The following RFTN1 variants were observed in gnomAD, a reference collection of about 807,000 sequenced individuals.
RFTN1 encodes raftlin.
RFTN1 carries 26 observed loss-of-function variants against 46.5 expected under a neutral mutation model. That is an observed-to-expected ratio of 0.56 (90% CI 0.41 to 0.78). The LOEUF (loss-of-function observed/expected upper bound fraction) is 0.78, where lower values mean the gene tolerates loss of function less well. RFTN1 is among the 30% of genes least tolerant of loss of function. The probability of loss-of-function intolerance (pLI) is 0.00; values close to 1 mark genes in which losing one functional copy is unlikely to be tolerated. For synonymous variants in RFTN1, 261 were observed against 284.2 expected (o/e 0.92, Z 0.82); for missense variants, 693 against 718.7 (o/e 0.96, Z 0.41).
chr3:16,317,507 A>AC lies in RFTN1; in HGVS notation c.1333-276dup, dbSNP rs908686193. ...CAGTATTTCTTTTGACTGGCTCTAT[A>AC]CCAAAGGCCCACATAGGAAAGGGCT... On this transcript the variant is annotated intron_variant, in intron 9 of 9. Coordinates refer to ENST00000334133, the MANE Select transcript of RFTN1 (RefSeq NM_015150.2). The surrounding 1 kb of genome is among the most constrained non-coding windows in gnomAD (Gnocchi z 4.3). Among the ~76,000 whole-genome samples, 1 of 152,036 alleles carries AC rather than the reference A, an allele frequency of 6.6e-6. No individual in the cohort carries two copies. Among genetic ancestry groups the AC allele is most frequent in the African/African-American group, 2.4e-5 (1 of 41,398 alleles).
At position 16,370,901 on chromosome 3, in the gene RFTN1, G is replaced by C. The variant is rs1286384775; in HGVS notation, c.827-622C>G. 1 of 152,574 alleles carries C rather than the reference G, an allele frequency of 6.6e-6. No individual in the cohort carries two copies. Among genetic ancestry groups the C allele is most frequent in the Non-Finnish European group, 1.5e-5 (1 of 68,312 alleles). 9.5% of individuals were successfully genotyped at this position (152,574 alleles called of 1,614,324 possible). A position where few individuals can be genotyped will look rare whatever the true frequency, so the allele number is the denominator to read the frequency against. On this transcript the variant is annotated intron_variant, in intron 5 of 9. Transcript: ENST00000334133. This position sits in a 1 kb window ranked among gnomAD's most constrained non-coding sequence, Gnocchi z 5.5. ...CGGTCCAAACAGCCAAGAAGGCACA[G>C]GGGATGAGGCGCTGAGCTTTTGGTT...
chr3:16,477,350 A>G (rs933726902), intron 2 of RFTN1, among the ~76,000 whole-genome samples: 10 of 152,164 alleles, frequency 6.6e-5, no homozygotes, highest in Non-Finnish European at 1.3e-4. Context: ...ATGCAATTTT[A>G]TTTTTCTGCT....
At chr3:16,367,424 A>C (rs1454513219) in intron 6 of RFTN1, among the ~76,000 whole-genome samples, 1 of 152,214 alleles carries the variant, frequency 6.6e-6, no homozygotes, top group Non-Finnish European at 1.5e-5. Flanking sequence ...AAAGACATAT[A>C]AAGGGTGAAA....
chr3:16,470,011 A>C (rs906526603), intron 2 of RFTN1, among the ~76,000 whole-genome samples: 1 of 152,144 alleles, frequency 6.6e-6, no homozygotes, highest in East Asian at 1.9e-4. Context: ...CAAGGAGCAG[A>C]AGTGAAAATT....
intron 7 of RFTN1, among the ~76,000 whole-genome samples, chr3:16,347,135 T>G (rs1420723692): frequency 6.6e-6 from 1 of 152,134 alleles, no homozygotes; most frequent in Non-Finnish European, 1.5e-5. Context: ...AGTGTACAGC[T>G]CTCTGATGAA....
intron 2 of RFTN1, among the ~76,000 whole-genome samples, chr3:16,486,673 T>C (rs372951108): frequency 3.1e-4 from 47 of 152,370 alleles, no homozygotes; most frequent in African/African-American, 1.1e-3. Context: ...CCATCAAGCC[T>C]GGGCTACCAC....
At chr3:16,390,718 T>C (rs1237605736) in intron 4 of RFTN1, among the ~76,000 whole-genome samples, 1 of 152,212 alleles carries the variant, frequency 6.6e-6, no homozygotes, top group Non-Finnish European at 1.5e-5. Context: ...TATCCATCTG[T>C]GTTATTCTTA....
rs539229424 is a variant in RFTN1 at position 16,468,582 on chromosome 3, T to C, written c.145+25143A>G. ...AATCAGCCCAAATAGAGTGATGGAG[T>C]AGCGGGGAGAGGCTGACGCATTTCC... On this transcript the variant is annotated intron_variant, in intron 2 of 9. Transcript: ENST00000334133. This position sits in a 1 kb window ranked among gnomAD's most constrained non-coding sequence, Gnocchi z 4.4. Among the ~76,000 whole-genome samples, 4 of 146,330 alleles carry C rather than the reference T, an allele frequency of 2.7e-5. No individual in the cohort carries two copies. Among genetic ancestry groups the C allele is most frequent in the Admixed American group, 7.0e-5 (1 of 14,284 alleles).
chr3:16,370,097 A>C lies in RFTN1; in HGVS notation c.1009T>G (p.Phe337Val). The change falls in exon 6 of 10, where the codon TTC becomes GTC. Residue 337 changes from phenylalanine (F) to valine (V), a missense_variant. Phe to Val is a conservative substitution (Grantham distance 50). Transcript: ENST00000334133. The surrounding 1 kb of genome is among the most constrained non-coding windows in gnomAD (Gnocchi z 5.5). Reference sequence around the variant, plus strand: ...ATACCATTCACTATTCCAAGGTAGAAGACTGCGTTCACCAGCATGCCTCCT... The same window carrying C: ...ATACCATTCACTATTCCAAGGTAGACGACTGCGTTCACCAGCATGCCTCCT... ...RKGGMLVNAV[F>V]YLGIVNDSLH... 6.2e-7 allele frequency: 1 copy of C among 1,614,216 alleles called. No individual in the cohort carries two copies. Among genetic ancestry groups the C allele is most frequent in the Non-Finnish European group, 8.5e-7 (1 of 1,180,034 alleles).
At chr3:16,371,948 G>T (rs562851702) in intron 5 of RFTN1, among the ~76,000 whole-genome samples, 1 of 152,202 alleles carries the variant, frequency 6.6e-6, no homozygotes, top group African/African-American at 2.4e-5. Context: ...AGGGAATCCG[G>T]CCATAAATTG....
At chr3:16,379,739 T>C (rs2073918854) in intron 4 of RFTN1, among the ~76,000 whole-genome samples, 1 of 152,236 alleles carries the variant, frequency 6.6e-6, no homozygotes. Context: ...AAGCCATCTA[T>C]TCCATTCTGA....
In RFTN1 at chr3:16,385,438, A is replaced by G. The variant is rs2125392241; in HGVS notation, c.442-7336T>C. 6.6e-6 allele frequency among the ~76,000 whole-genome samples: 1 copy of G among 152,308 alleles called. No homozygotes were observed. The highest frequency in any genetic ancestry group is 2.1e-4 in the South Asian group (1 of 4,826). ...AACTTTCTGCTGTTGTGGTTTTCTC[A>G]TTTAGCGACTGAGAGGTCTTAGAAT... is the stretch of plus-strand genomic sequence containing the variant. On this transcript the variant is annotated intron_variant, in intron 4 of 9. Coordinates refer to ENST00000334133, the MANE Select transcript of RFTN1 (RefSeq NM_015150.2). This position sits in a 1 kb window ranked among gnomAD's most constrained non-coding sequence, Gnocchi z 5.0.
chr3:16,475,187 A>G lies in RFTN1; in HGVS notation c.145+18538T>C, dbSNP rs370396522. Among the ~76,000 whole-genome samples, 3 of 152,184 alleles carry G rather than the reference A, an allele frequency of 2.0e-5. No individual in the cohort carries two copies. Among genetic ancestry groups the G allele is most frequent in the South Asian group, 4.1e-4 (2 of 4,824 alleles). On this transcript the variant is annotated intron_variant, in intron 2 of 9. Coordinates refer to ENST00000334133, the MANE Select transcript of RFTN1 (RefSeq NM_015150.2). The surrounding 1 kb of genome is among the most constrained non-coding windows in gnomAD (Gnocchi z 4.2). Reference sequence around the variant, plus strand: ...TGTTTGGAAGCTCCTGGAAGCCCTCACCAGAAGCAGATGCTGACGCCATGC... The same window carrying G: ...TGTTTGGAAGCTCCTGGAAGCCCTCGCCAGAAGCAGATGCTGACGCCATGC...
chr3:16,476,694 G>C (rs1445671790), intron 2 of RFTN1, among the ~76,000 whole-genome samples: 8 of 152,188 alleles, frequency 5.3e-5, no homozygotes, highest in Non-Finnish European at 1.0e-4. Context: ...CCTGGGTCAT[G>C]TGCTATAAGA....
At position 16,317,831 on chromosome 3, in the gene RFTN1, AATG is replaced by A. The variant is rs59452344; in HGVS notation, c.1333-602_1333-600del. Reference sequence around the variant, plus strand: ...GGTCACACCAGGGCAACCTACAACCAATGACTGCCCCAGGTGGGATACAACAAC... The same window carrying A: ...GGTCACACCAGGGCAACCTACAACCAACTGCCCCAGGTGGGATACAACAAC... On this transcript the variant is annotated intron_variant, in intron 9 of 9. Coordinates refer to ENST00000334133, the MANE Select transcript of RFTN1 (RefSeq NM_015150.2). This position sits in a 1 kb window ranked among gnomAD's most constrained non-coding sequence, Gnocchi z 4.3. Among the ~76,000 whole-genome samples the A allele has an allele frequency of 0.24, 35,737 of 151,914 alleles. 5,864 individuals carry two copies. Among genetic ancestry groups the A allele is most frequent in the African/African-American group, 0.48 (19,648 of 41,362 alleles).
At chr3:16,432,243 C>T (rs73144385) in intron 3 of RFTN1, among the ~76,000 whole-genome samples, 2,300 of 152,180 alleles carry the variant, frequency 0.015, 75 homozygotes, top group African/African-American at 0.053. Context: ...ATGGACTGGG[C>T]GTGGTGGCTC....
intron 3 of RFTN1, among the ~76,000 whole-genome samples, chr3:16,423,734 G>GGGGA (rs1161716869): frequency 6.6e-6 from 1 of 152,122 alleles, no homozygotes; most frequent in Admixed American, 6.5e-5. Flanking sequence ...AGAAAAGGGG[G>GGGGA]CATTATGTTC....
At chr3:16,444,952 T>C (rs1263722447) in intron 2 of RFTN1, among the ~76,000 whole-genome samples, 3 of 152,216 alleles carry the variant, frequency 2.0e-5, no homozygotes, top group African/African-American at 4.8e-5. Context: ...ATTAGAAATG[T>C]TTTGGTCTTT....
intron 2 of RFTN1, among the ~76,000 whole-genome samples, chr3:16,437,356 C>T (rs919918145): frequency 3.9e-5 from 6 of 152,192 alleles, no homozygotes; most frequent in Admixed American, 3.9e-4. Context: ...CATAGAAGTA[C>T]TACCAGTAGT....
Sources: gnomAD v4.1 joint callset for allele counts (sites outside exome capture counted in the v4.1 genomes callset) on GRCh38, gnomAD v4.1.1 for gene constraint, Gnocchi (gnomAD v3.1) non-coding constraint, MANE v1.5 for transcripts, NCBI Gene and HGNC (gene_info 2026-07-23, HGNC 2026-07-21) for gene names.